ITPR2: variants seen among roughly 807,000 people sequenced by gnomAD.
ITPR2 encodes inositol 1,4,5-trisphosphate-gated calcium channel ITPR2.
Under a neutral mutation model 317.1 loss-of-function variants are expected in ITPR2, and 207 were observed. That is an observed-to-expected ratio of 0.65 (90% CI 0.58 to 0.73). The LOEUF is 0.73. ITPR2 is among the 30% of genes least tolerant of loss of function. ITPR2 has a pLI of 0.00. For synonymous variants in ITPR2, 1,156 were observed against 1,149.1 expected, an observed-to-expected ratio of 1.01 and a Z score of -0.12; for missense variants, 2,613 against 3,284.0, an observed-to-expected ratio of 0.80 and a Z score of 4.99.
In ITPR2 at chr12:26,665,948, G is replaced by A. The variant is rs1359556840; in HGVS notation, c.1513C>T (p.Arg505Cys). The A allele has an allele frequency of 4.3e-6, 7 of 1,613,260 alleles. No individual in the cohort carries two copies. The highest frequency in any genetic ancestry group is 4.2e-6 in the Non-Finnish European group (5 of 1,179,666). ...TTTTGTTCCCTCATCAATTTTTGACGCTCTCGGTTTGGCTTAGTGATAACC... is the reference window on the plus strand; with the variant it reads ...TTTTGTTCCCTCATCAATTTTTGACACTCTCGGTTTGGCTTAGTGATAACC... The part of the protein sequence containing the change: ...DVVITKPNRE[R>C]QKLMREQNIL... Residue 505 changes from arginine to cysteine, a missense_variant, in exon 14 of 57, where the codon CGT (arginine) becomes TGT (cysteine). Transcript: ENST00000381340.
chr12:26,561,687 TTTTA>T, intron 35 of ITPR2, 71 bp downstream of exon 35: 20 of 1,220,750 alleles, frequency 1.6e-5, no homozygotes, highest in Non-Finnish European at 2.2e-5. Context: ...TTAAACCATA[TTTTA>T]TTTATGTGAC....
chr12:26,384,862 T>A (rs1218837541), intron 55 of ITPR2, among the ~76,000 whole-genome samples: 3 of 152,176 alleles, frequency 2.0e-5, no homozygotes, highest in Non-Finnish European at 4.4e-5. Context: ...CTTGTCTTTC[T>A]TCTTTTTCCT....
intron 13 of ITPR2, among the ~76,000 whole-genome samples, chr12:26,666,368 G>A (rs1439256498): frequency 2.0e-5 from 3 of 151,994 alleles, no homozygotes; most frequent in South Asian, 2.1e-4. Flanking sequence ...CTCTACTTGC[G>A]CCTCCAGTTC....
chr12:26,488,243 A>G (rs2136855059), intron 39 of ITPR2, among the ~76,000 whole-genome samples: 1 of 152,310 alleles, frequency 6.6e-6, no homozygotes, highest in Middle Eastern at 3.4e-3. Context: ...TAGTGAATAA[A>G]AGAGTTATAT....
intron 11 of ITPR2, among the ~76,000 whole-genome samples, chr12:26,683,013 C>T (rs1026264820): frequency 1.3e-5 from 2 of 152,174 alleles, no homozygotes; most frequent in African/African-American, 4.8e-5. Flanking sequence ...ATAGGTTCTC[C>T]AGGCAGTTCT....
chr12:26,390,899 G>A (rs1939813576), intron 54 of ITPR2, among the ~76,000 whole-genome samples: 1 of 152,120 alleles, frequency 6.6e-6, no homozygotes, highest in South Asian at 2.1e-4. Flanking sequence ...CAAGGTAATG[G>A]GGCTATAAAA....
chr12:26,477,644 G>A (rs1942449887), intron 43 of ITPR2, among the ~76,000 whole-genome samples: 5 of 152,050 alleles, frequency 3.3e-5, no homozygotes. Context: ...AACAAAGAAT[G>A]AAAATAGCTT....
chr12:26,613,612 G>C (rs1007064024), intron 26 of ITPR2, among the ~76,000 whole-genome samples: 12 of 151,618 alleles, frequency 7.9e-5, no homozygotes, highest in Non-Finnish European at 1.5e-4. Flanking sequence ...ACAAAATCCA[G>C]ATCCCATGCA....
chr12:26,591,736 G>A (rs59090293), intron 32 of ITPR2, among the ~76,000 whole-genome samples: 31,086 of 151,416 alleles, frequency 0.21, 3,355 homozygotes, highest in Middle Eastern at 0.26. Flanking sequence ...TACTCGAGAG[G>A]CTGAGGCAGG....
chr12:26,536,515 C>T (rs896988587), intron 37 of ITPR2, among the ~76,000 whole-genome samples: 9 of 152,098 alleles, frequency 5.9e-5, no homozygotes, highest in Non-Finnish European at 2.9e-5. Context: ...GGTTGAAGGA[C>T]AGTTGAAATG....
At chr12:26,456,829 C>T (rs1426908365) in intron 45 of ITPR2, among the ~76,000 whole-genome samples, 9 of 152,130 alleles carry the variant, frequency 5.9e-5, no homozygotes, top group South Asian at 2.1e-4. Flanking sequence ...CTTGCCATCA[C>T]GCCCGGCTAA....
chr12:26,534,388 TA>T (rs1293360825), intron 37 of ITPR2, among the ~76,000 whole-genome samples: 1 of 152,134 alleles, frequency 6.6e-6, no homozygotes, highest in Non-Finnish European at 1.5e-5. Flanking sequence ...TCAACTAAGA[TA>T]AATTCCTAAT....
At position 26,657,878 on chromosome 12, in the gene ITPR2, T is replaced by G; in HGVS notation, c.2021A>C (p.Gln674Pro). The G allele has an allele frequency of 6.2e-7, 1 of 1,613,930 alleles. No homozygotes were observed. The highest frequency in any genetic ancestry group is 1.1e-5 in the South Asian group (1 of 90,988). Residue 674 changes from glutamine (Q) to proline (P), a missense_variant, in exon 18 of 57, where the codon CAA (glutamine) becomes CCA (proline). Physicochemically the swap from Gln to Pro is moderately conservative, Grantham distance 76. Around this residue, in one of 9 missense-constraint regions of ITPR2, gnomAD observed 817 missense variants for 897.6 expected, o/e 0.91. Coordinates refer to ENST00000381340, the MANE Select transcript of ITPR2 (RefSeq NM_002223.4). ...ILIQTKVVSM[Q>P]ADNPMESSIL... is the part of the protein sequence containing the mutation. ...GGAGCTCTCCATGGGGTTGTCTGCT[T>G]GCATTGAGACCACCCTTCAAATAAA... is the stretch of plus-strand genomic sequence containing the variant.
chr12:26,549,719 T>C (rs544377896), intron 37 of ITPR2, among the ~76,000 whole-genome samples: 2 of 152,212 alleles, frequency 1.3e-5, no homozygotes, highest in South Asian at 4.1e-4. Flanking sequence ...TAGGTTGATA[T>C]TTCCCTGAAA....
rs760867971 is a variant in ITPR2, at chr12:26,584,343, C to T, written c.4381-4188G>A. ...GTTGTCTCTGCCATTAGGATATATG[C>T]TCCTGGACACCAGGAACAACTCTGT... On this transcript the variant is annotated intron_variant, in intron 32 of 56. Coordinates refer to ENST00000381340, the MANE Select transcript of ITPR2 (RefSeq NM_002223.4). Among the ~76,000 whole-genome samples, 3 of 152,160 alleles carry T rather than the reference C, an allele frequency of 2.0e-5. No individual in the cohort carries two copies. The East Asian group carries it at 5.8e-4, about 29-fold the overall frequency.
At chr12:26,732,769 G>C (rs1312562736) in intron 2 of ITPR2, among the ~76,000 whole-genome samples, 1 of 152,138 alleles carries the variant, frequency 6.6e-6, no homozygotes, top group Non-Finnish European at 1.5e-5. Context: ...TTTAAATGCT[G>C]TTCGTAATTC....
At chr12:26,631,529 G>C (rs1480981913) in intron 22 of ITPR2, among the ~76,000 whole-genome samples, 1 of 152,096 alleles carries the variant, frequency 6.6e-6, no homozygotes, top group African/African-American at 2.4e-5. Context: ...CAATAACTTT[G>C]CTTGCTCTGA....
chr12:26,418,587 T>C (rs528427119), intron 50 of ITPR2, among the ~76,000 whole-genome samples: 1 of 152,308 alleles, frequency 6.6e-6, no homozygotes, highest in African/African-American at 2.4e-5. Context: ...CAACTGTCTC[T>C]TTGCTATGAT....
chr12:26,806,424 C>A (rs1433793271), intron 1 of ITPR2, among the ~76,000 whole-genome samples: 2 of 151,286 alleles, frequency 1.3e-5, no homozygotes, highest in Non-Finnish European at 3.0e-5. Context: ...ACTGTGGTTA[C>A]CCTCTACTCT....
Sources: allele counts gnomAD v4.1 joint callset (sites outside exome capture counted in the v4.1 genomes callset), GRCh38; gene constraint gnomAD v4.1.1; regional missense constraint gnomAD v4.1.1; transcripts MANE v1.5; gene names NCBI Gene and HGNC (gene_info 2026-07-23, HGNC 2026-07-21).